The following ZNF625 variants were observed in gnomAD, a reference collection of about 807,000 sequenced individuals.
ZNF625 encodes zinc finger protein 625.
In ZNF625, 8 loss-of-function variants were observed where a neutral mutation model predicts 11.1. The observed-to-expected ratio is 0.72, with a 90% confidence interval of 0.42 to 1.30. The LOEUF (loss-of-function observed/expected upper bound fraction) is 1.30, where lower values mean the gene tolerates loss of function less well. ZNF625 is among the 50% of genes most tolerant of loss of function. The pLI, the probability that ZNF625 is intolerant of heterozygous loss-of-function variation, is 0.01. For synonymous variants in ZNF625, 145 were observed against 153.4 expected, an observed-to-expected ratio of 0.95 and a Z score of 0.41; for missense variants, 349 against 447.6, an observed-to-expected ratio of 0.78 and a Z score of 1.99.
chr19:12,151,210 T>G (rs937012965), intron 1 of ZNF625, among the ~76,000 whole-genome samples: 4 of 151,022 alleles, frequency 2.6e-5, no homozygotes, highest in Non-Finnish European at 5.9e-5. Flanking sequence ...ATTTCTTTTT[T>G]TTTTTTTTTT....
chr19:12,149,434 C>T (rs920909163), intron 1 of ZNF625, among the ~76,000 whole-genome samples: 7 of 149,852 alleles, frequency 4.7e-5, no homozygotes, highest in East Asian at 1.9e-4. Context: ...ACAACCTGTC[C>T]GTTGTTACAA....
In ZNF625 at chr19:12,147,281, G is replaced by A. The variant is rs1213319897; in HGVS notation, c.191+114C>T. The A allele has an allele frequency of 1.2e-5, 12 of 1,020,472 alleles. No individual in the cohort carries two copies. In the East Asian group the frequency reaches 3.0e-4, roughly 26 times the overall value. The allele number at this position is 1,020,472 out of a possible 1,614,324, so 63.2% of individuals were successfully genotyped here. ...CACAGCCGGCCCTAGAGAAAATTTT[G>A]TAAGAATAAATACAGTGGAACTTGG... On this transcript the variant is annotated intron_variant, in intron 3 of 3. Coordinates refer to ENST00000439556, the MANE Select transcript of ZNF625 (RefSeq NM_145233.4).
Position 12,145,942 on chromosome 19 carries a change from AGT to A in ZNF625, c.472_473del (p.Thr158TrpfsTer6). On this transcript the variant is annotated frameshift_variant, in exon 4 of 4. Transcript: ENST00000439556. LOFTEE classifies it low-confidence loss of function (END_TRUNC). ...CCTCACAATCATAAGGTTTCCCCCC[AGT>A]GTGAGCCCATTCATGTGTTCGAAAG... ...PYFRTHEWAH[T>X]GGKPYDCEEC... The A allele has an allele frequency of 6.2e-7, 1 of 1,614,240 alleles. No homozygotes were observed.
At chr19:12,152,562 G>C (rs1280063408) in intron 1 of ZNF625, among the ~76,000 whole-genome samples, 1 of 152,070 alleles carries the variant, frequency 6.6e-6, no homozygotes, top group African/African-American at 2.4e-5. Context: ...AAAACACTCG[G>C]CCGGGTGCAG....
chr19:12,145,940 C>A lies in ZNF625; in HGVS notation c.476G>T (p.Gly159Val). 1.1e-5 allele frequency: 17 copies of A among 1,614,202 alleles called. No individual in the cohort carries two copies. Among genetic ancestry groups the A allele is most frequent in the Non-Finnish European group, 1.4e-5 (17 of 1,180,046 alleles). ...YFRTHEWAHT[G>V]GKPYDCEECG... ...TTCCTCACAATCATAAGGTTTCCCC[C>A]CAGTGTGAGCCCATTCATGTGTTCG... Residue 159 changes from glycine to valine, a missense_variant, in exon 4 of 4, where the codon GGG becomes GTG. Gly to Val is a moderately radical substitution (Grantham distance 109). Coordinates refer to ENST00000439556, the MANE Select transcript of ZNF625 (RefSeq NM_145233.4).
At chr19:12,146,476 C>T (rs907144499) in intron 3 of ZNF625, among the ~76,000 whole-genome samples, 1 of 152,178 alleles carries the variant, frequency 6.6e-6, no homozygotes, top group Admixed American at 6.5e-5. Flanking sequence ...CTCTGTCATC[C>T]AGGCTGGAGT....
At chr19:12,148,480 A>AT (rs2145610283) in intron 1 of ZNF625, among the ~76,000 whole-genome samples, 1 of 152,322 alleles carries the variant, frequency 6.6e-6, no homozygotes, top group East Asian at 1.9e-4. Context: ...TATTTATCAA[A>AT]TGTAAAAACT....
intron 1 of ZNF625, among the ~76,000 whole-genome samples, chr19:12,151,913 T>C (rs769248095): frequency 6.6e-6 from 1 of 152,172 alleles, no homozygotes; most frequent in Non-Finnish European, 1.5e-5. Flanking sequence ...GTGTTTCTCT[T>C]GTCATATTAT....
chr19:12,147,294 C>T, intron 3 of ZNF625, 101 bp downstream of exon 3: 2 of 1,099,022 alleles, frequency 1.8e-6, no homozygotes, highest in East Asian at 2.6e-5. Flanking sequence ...AGAATAAATA[C>T]AGTGGAACTT....
chr19:12,156,527 T>C (rs961195546), intron 1 of ZNF625, 29 bp downstream of exon 1: 1 of 1,425,388 alleles, frequency 7.0e-7, no homozygotes, highest in Non-Finnish European at 9.2e-7. Context: ...CCCTCCCCCG[T>C]CTCGGGACCC....
intron 1 of ZNF625, among the ~76,000 whole-genome samples, chr19:12,155,528 C>G (rs558588433): frequency 6.6e-6 from 1 of 152,202 alleles, no homozygotes; most frequent in East Asian, 1.9e-4. Context: ...CCTGCCCTGT[C>G]AGCCTTCCAT....
Position 12,156,538 on chromosome 19 carries a change from C to A in ZNF625, c.3+18G>T. On this transcript the variant is annotated intron_variant, in intron 1 of 3. Transcript: ENST00000439556. ...CGGCCCCTCCCCCGTCTCGGGACCC[C>A]CGGCCCCGCACACTCACCATTTCCC... The A allele has an allele frequency of 7.0e-7, 1 of 1,430,762 alleles. No individual in the cohort carries two copies. Among genetic ancestry groups the A allele is most frequent in the Middle Eastern group, 1.9e-4 (1 of 5,372 alleles). 88.6% of individuals were successfully genotyped at this position (1,430,762 alleles called of 1,614,324 possible).
Position 12,146,107 on chromosome 19 carries a change from T to G in ZNF625, c.309A>C (p.Gly103=), listed in dbSNP as rs774596434. The change falls in exon 4 of 4, where the codon GGA becomes GGC. Residue 103 remains glycine (G), a synonymous_variant. Coordinates refer to ENST00000439556, the MANE Select transcript of ZNF625 (RefSeq NM_145233.4). ...KKKTPRVKSC[G]EVSVGHASLN... ...GGGATGCATGACCCACGCTGACTTC[T>G]CCACATGATTTTACTCGGGGAGTTT... 6.2e-7 allele frequency: 1 copy of G among 1,614,194 alleles called. No individual in the cohort carries two copies. The highest frequency in any genetic ancestry group is 8.5e-7 in the Non-Finnish European group (1 of 1,180,020).
In ZNF625 at chr19:12,145,316, T is replaced by C; in HGVS notation, c.1100A>G (p.Gln367Arg). ...TGTGAATTAAGCAATCTTCTCGCCT[T>C]GGCCTTTCGAAGTGTTGGAGCTACA... The part of the protein sequence containing the change: ...KPCSSNTSKG[Q>R]GEKIA The change falls in exon 4 of 4, where the codon CAA becomes CGA. Residue 367 changes from glutamine (Q) to arginine (R), a missense_variant. Physicochemically the swap from Gln to Arg is conservative, Grantham distance 43. Transcript: ENST00000439556. 6.2e-7 allele frequency: 1 copy of C among 1,610,686 alleles called. No homozygotes were observed. The highest frequency in any genetic ancestry group is 1.1e-5 in the South Asian group (1 of 90,548).
chr19:12,147,317 G>A, intron 3 of ZNF625, 78 bp downstream of exon 3: 3 of 1,283,714 alleles, frequency 2.3e-6, no homozygotes, highest in Non-Finnish European at 3.2e-6. Context: ...CTTATTTCTT[G>A]TTTGCTTCTT....
At chr19:12,153,846 C>A (rs1482642622) in intron 1 of ZNF625, among the ~76,000 whole-genome samples, 1 of 124,166 alleles carries the variant, frequency 8.1e-6, no homozygotes, top group Non-Finnish European at 1.6e-5. Flanking sequence ...CTTGCTCTGT[C>A]CCCCAGGCTG....
intron 3 of ZNF625, 37 bp from the exon 4 acceptor site, chr19:12,146,261 T>C (rs1976871491): frequency 6.4e-7 from 1 of 1,557,146 alleles, no homozygotes; most frequent in African/African-American, 1.4e-5. Flanking sequence ...ATGGGTTCCT[T>C]TATCACTGAT....
Position 12,149,922 on chromosome 19 carries a change from A to G in ZNF625, c.4-2120T>C, listed in dbSNP as rs1307441785. Among the ~76,000 whole-genome samples, 10 of 152,218 alleles carry G rather than the reference A, an allele frequency of 6.6e-5. No homozygotes were observed. The South Asian group carries it at 1.9e-3, about 28-fold the overall frequency. Reference sequence around the variant, plus strand: ...TGCGGGCTAATTTTGTATTTTCAGTAGAGACAGGGTTTCTCCATGTTGGTC... The same window carrying G: ...TGCGGGCTAATTTTGTATTTTCAGTGGAGACAGGGTTTCTCCATGTTGGTC... On this transcript the variant is annotated intron_variant, in intron 1 of 3. Transcript: ENST00000439556.
At chr19:12,146,358 G>C (rs1284056019) in intron 3 of ZNF625, 134 bp from the exon 4 acceptor site, 1 of 767,980 alleles carries the variant, frequency 1.3e-6, no homozygotes, top group African/African-American at 1.7e-5. Context: ...AACATGAACA[G>C]ACCACACATG....
Sources: allele counts gnomAD v4.1 joint callset (sites outside exome capture counted in the v4.1 genomes callset), GRCh38; gene constraint gnomAD v4.1.1; transcripts MANE v1.5; gene names NCBI Gene and HGNC (gene_info 2026-07-23, HGNC 2026-07-21).